The following ERBB4 variants were observed in gnomAD, a reference collection of about 807,000 sequenced individuals.
The protein encoded by ERBB4 is erb-b2 receptor tyrosine kinase 4.
A neutral mutation model predicts 158.0 loss-of-function variants in ERBB4; 42 were observed. The observed-to-expected ratio is 0.27, with a 90% CI of 0.21 to 0.34. The LOEUF is 0.34. ERBB4 is among the 10% of genes least tolerant of loss of function. The probability of loss-of-function intolerance (pLI) is 1.00; values close to 1 mark genes in which losing one functional copy is unlikely to be tolerated. For missense variants in ERBB4, 1,333 were observed against 1,624.1 expected (o/e 0.82, Z 3.08); for synonymous variants, 583 against 558.7 (o/e 1.04, Z -0.61).
At chr2:211,384,971 T>A (rs1359225776) in intron 27 of ERBB4, among the ~76,000 whole-genome samples, 9 of 152,064 alleles carry the variant, frequency 5.9e-5, no homozygotes, top group Non-Finnish European at 1.3e-4. Flanking sequence ...CACATAGACA[T>A]AAACACGCAT....
At chr2:212,237,251 T>G (rs1413161649) in intron 1 of ERBB4, among the ~76,000 whole-genome samples, 5 of 152,258 alleles carry the variant, frequency 3.3e-5, no homozygotes, top group Admixed American at 2.0e-4. Flanking sequence ...GACCTTTGGA[T>G]GGGGTTTTTG....
In ERBB4 at chr2:212,182,578, C is replaced by T. The variant is rs199988075; in HGVS notation, c.83-57675G>A. Among the ~76,000 whole-genome samples the T allele has an allele frequency of 4.0e-5, 6 of 151,692 alleles. No homozygotes were observed. The East Asian group carries it at 1.2e-3, about 29-fold the overall frequency. On this transcript the variant is annotated intron_variant, in intron 1 of 27. Transcript: ENST00000342788. Reference sequence around the variant, plus strand: ...TGCTCTGAACTGTTGTTTTTATTTGCATTTTTTATTAGTGAGCATATTTTA... The same window carrying T: ...TGCTCTGAACTGTTGTTTTTATTTGTATTTTTTATTAGTGAGCATATTTTA...
chr2:211,749,267 CAT>C (rs2075060105), intron 5 of ERBB4, among the ~76,000 whole-genome samples: 2 of 152,178 alleles, frequency 1.3e-5, no homozygotes, highest in Non-Finnish European at 2.9e-5. Context: ...TCCAAATCCA[CAT>C]GTCTATGACC....
At chr2:212,355,191 T>G in intron 1 of ERBB4, among the ~76,000 whole-genome samples, 1 of 152,102 alleles carries the variant, frequency 6.6e-6, no homozygotes, top group East Asian at 1.9e-4. Context: ...ACTTAGCACT[T>G]TGTGTATAAT....
At chr2:211,424,100 C>G (rs2063571829) in intron 23 of ERBB4, 55 bp downstream of exon 23, 1 of 1,508,686 alleles carries the variant, frequency 6.6e-7, no homozygotes, top group Non-Finnish European at 9.2e-7. Context: ...TGAGTAATCT[C>G]TGCTATTACT....
intron 2 of ERBB4, among the ~76,000 whole-genome samples, chr2:212,049,503 G>T (rs1411771611): frequency 1.3e-5 from 2 of 152,020 alleles, no homozygotes; most frequent in Non-Finnish European, 2.9e-5. Context: ...TTTGTATTGG[G>T]TCTACAATGA....
chr2:211,889,356 A>C (rs2106178491), intron 3 of ERBB4, among the ~76,000 whole-genome samples: 1 of 146,000 alleles, frequency 6.8e-6, no homozygotes, highest in Non-Finnish European at 1.5e-5. Flanking sequence ...TTAGAAGGAA[A>C]ACTAACAAAC....
At chr2:212,087,472 A>G (rs2078650868) in intron 2 of ERBB4, among the ~76,000 whole-genome samples, 1 of 152,028 alleles carries the variant, frequency 6.6e-6, no homozygotes, top group Admixed American at 6.6e-5. Context: ...CCACATCATC[A>G]TGGTTCCTGG....
At position 211,673,287 on chromosome 2, in the gene ERBB4, G is replaced by A. The variant is rs2071916927; in HGVS notation, c.1623-30C>T. Reference sequence around the variant, plus strand: ...GAAAACATCAGCCACATGAGGAGGTGTAAGCAAACAAGCGTCAACTTAACA... The same window carrying A: ...GAAAACATCAGCCACATGAGGAGGTATAAGCAAACAAGCGTCAACTTAACA... On this transcript the variant is annotated intron_variant, in intron 13 of 27. Coordinates refer to ENST00000342788, the MANE Select transcript of ERBB4 (RefSeq NM_005235.3). 3 of 1,505,712 alleles carry A rather than the reference G, an allele frequency of 2.0e-6. No homozygotes were observed. The South Asian group carries it at 3.4e-5, about 17-fold the overall frequency. The allele number at this position is 1,505,712 out of a possible 1,614,324, so 93.3% of individuals were successfully genotyped here. A position where few individuals can be genotyped will look rare whatever the true frequency, so the allele number is the denominator to read the frequency against.
Position 211,523,153 on chromosome 2 carries a change from A to G in ERBB4, c.2487+38750T>C, listed in dbSNP as rs1437124463. ...ACCCCACATAGGAACACCAAATTCA[A>G]CAACTGCCTAAAACAAAAAAGCACC... On this transcript the variant is annotated intron_variant, in intron 20 of 27. Coordinates refer to ENST00000342788, the MANE Select transcript of ERBB4 (RefSeq NM_005235.3). 2.1e-5 allele frequency among the ~76,000 whole-genome samples: 3 copies of G among 144,246 alleles called. No individual in the cohort carries two copies. In the East Asian group the frequency reaches 6.1e-4, roughly 29 times the overall value. The allele number at this position is 144,246 out of a possible 152,430, so 94.6% of individuals were successfully genotyped here.
rs1328854395 is a variant in ERBB4 at position 211,424,138 on chromosome 2, T to A, written c.2866+17A>T. The A allele has an allele frequency of 6.2e-7, 1 of 1,609,822 alleles. No homozygotes were observed. Among genetic ancestry groups the A allele is most frequent in the Admixed American group, 1.7e-5 (1 of 59,930 alleles). On this transcript the variant is annotated intron_variant, in intron 23 of 27. Coordinates refer to ENST00000342788, the MANE Select transcript of ERBB4 (RefSeq NM_005235.3). Reference sequence around the variant, plus strand: ...ACTAAGAATGATGATGGTGATAACATTATTTTGCAGTCTTACATTTGACCA... The same window carrying A: ...ACTAAGAATGATGATGGTGATAACAATATTTTGCAGTCTTACATTTGACCA...
chr2:211,679,804 TGAGTA>T (rs1181295499), intron 12 of ERBB4, among the ~76,000 whole-genome samples: 7 of 152,056 alleles, frequency 4.6e-5, no homozygotes, highest in Non-Finnish European at 1.0e-4. Context: ...CTCAGCCTCC[TGAGTA>T]GCTGGGATTA....
At chr2:212,177,548 C>G (rs1351674080) in intron 1 of ERBB4, among the ~76,000 whole-genome samples, 2 of 151,700 alleles carry the variant, frequency 1.3e-5, no homozygotes, top group Admixed American at 1.3e-4. Context: ...ATAAACCATC[C>G]CCTACTCTCT....
chr2:211,815,533 A>T (rs1255953079), intron 3 of ERBB4, among the ~76,000 whole-genome samples: 3 of 152,220 alleles, frequency 2.0e-5, no homozygotes, highest in African/African-American at 4.8e-5. Context: ...CCCCATAGGA[A>T]TTTCAACCCC....
intron 1 of ERBB4, among the ~76,000 whole-genome samples, chr2:212,204,211 G>A (rs1414514956): frequency 1.3e-5 from 2 of 151,984 alleles, no homozygotes; most frequent in African/African-American, 2.4e-5. Flanking sequence ...TTCTATTATC[G>A]CTAGAGTAAA....
chr2:211,862,395 T>C (rs2078081503), intron 3 of ERBB4, among the ~76,000 whole-genome samples: 2 of 152,282 alleles, frequency 1.3e-5, no homozygotes, highest in Non-Finnish European at 2.9e-5. Context: ...GTAGAGAATA[T>C]ATGCTTTGTT....
At chr2:211,732,636 C>A (rs1028720607) in intron 5 of ERBB4, among the ~76,000 whole-genome samples, 3 of 152,142 alleles carry the variant, frequency 2.0e-5, no homozygotes, top group African/African-American at 7.2e-5. Flanking sequence ...ACAGTCGCTA[C>A]TGAAATTGAC....
chr2:211,376,847 G>A lies in ERBB4; in HGVS notation c.*6768C>T. 4.3e-6 allele frequency: 1 copy of A among 233,098 alleles called. No individual in the cohort carries two copies. The highest frequency in any genetic ancestry group is 8.5e-6 in the Non-Finnish European group (1 of 117,672). 14.4% of individuals were successfully genotyped at this position (233,098 alleles called of 1,614,324 possible). ...CCATGGGAAAATGCGGTTTCAGCAT[G>A]CAGCCACGCAATCCCTGGTGCTCTC... On this transcript the variant is annotated 3_prime_UTR_variant, in exon 28 of 28. Coordinates refer to ENST00000342788, the MANE Select transcript of ERBB4 (RefSeq NM_005235.3).
At chr2:211,900,954 C>T (rs1368066612) in intron 3 of ERBB4, among the ~76,000 whole-genome samples, 1 of 152,148 alleles carries the variant, frequency 6.6e-6, no homozygotes, top group Non-Finnish European at 1.5e-5. Flanking sequence ...ATCATATTTA[C>T]CCCTTCCACT....
Sources: gnomAD v4.1 joint callset for allele counts (sites outside exome capture counted in the v4.1 genomes callset) on GRCh38, gnomAD v4.1.1 for gene constraint, MANE v1.5 for transcripts, NCBI Gene and HGNC (gene_info 2026-07-23, HGNC 2026-07-21) for gene names.